ANKRD31: variants seen among roughly 807,000 people sequenced by gnomAD.
The protein encoded by ANKRD31 is ankyrin repeat domain-containing protein 31.
In ANKRD31, 147 loss-of-function variants were observed where a neutral mutation model predicts 186.0. The ratio of observed to expected loss-of-function variants is 0.79; its 90% CI spans 0.69 to 0.91. The LOEUF is 0.91. Ranked by LOEUF, ANKRD31 falls within the 40% of genes least tolerant of loss-of-function variation. The probability of loss-of-function intolerance (pLI) is 0.00; values close to 1 mark genes in which losing one functional copy is unlikely to be tolerated. For synonymous variants in ANKRD31, 673 were observed against 736.4 expected, an observed-to-expected ratio of 0.91 and a Z score of 1.39; for missense variants, 1,986 against 2,148.8, an observed-to-expected ratio of 0.92 and a Z score of 1.50.
chr5:75,174,599 T>C (rs948112111), intron 10 of ANKRD31, among the ~76,000 whole-genome samples: 2 of 152,128 alleles, frequency 1.3e-5, no homozygotes, highest in African/African-American at 2.4e-5. Flanking sequence ...CAAAAGAAGA[T>C]ATTTATGCAG....
chr5:75,144,405 G>A (rs936671063), intron 14 of ANKRD31, among the ~76,000 whole-genome samples: 1 of 152,066 alleles, frequency 6.6e-6, no homozygotes, highest in African/African-American at 2.4e-5. Flanking sequence ...CTATCAAAAT[G>A]TTGTTAGGTT....
intron 17 of ANKRD31, among the ~76,000 whole-genome samples, chr5:75,136,293 C>A (rs1231060814): frequency 5.3e-5 from 8 of 152,020 alleles, no homozygotes; most frequent in Non-Finnish European, 1.0e-4. Context: ...CCAGACTCTA[C>A]AAAGAACTTA....
intron 17 of ANKRD31, among the ~76,000 whole-genome samples, chr5:75,132,989 C>G (rs944858381): frequency 6.6e-6 from 1 of 152,164 alleles, no homozygotes; most frequent in Non-Finnish European, 1.5e-5. Context: ...ATCAGGCCTG[C>G]CTTACAAGAG....
Position 75,085,376 on chromosome 5 carries a change from AT to A in ANKRD31, c.5473-1003del, listed in dbSNP as rs772384197. Among the ~76,000 whole-genome samples, 655 of 145,942 alleles carry A rather than the reference AT, an allele frequency of 4.5e-3. 2 individuals carry two copies. The highest frequency in any genetic ancestry group is 6.2e-3 in the Non-Finnish European group (409 of 65,884). On this transcript the variant is annotated intron_variant, in intron 23 of 25. Coordinates refer to ENST00000506364, the MANE Select transcript of ANKRD31 (RefSeq NM_001372053.1). Reference sequence around the variant, plus strand: ...TCCCGGCTCCTTTTCTTTTCTTTTAATTTTTTTTTTTTGAGAGAGTCTTACT... The same window carrying A: ...TCCCGGCTCCTTTTCTTTTCTTTTAATTTTTTTTTTTGAGAGAGTCTTACT...
In ANKRD31 at chr5:75,190,975, T is replaced by C. The variant is rs1321744560; in HGVS notation, c.1408+1692A>G. Among the ~76,000 whole-genome samples the C allele has an allele frequency of 2.0e-5, 3 of 152,148 alleles. No homozygotes were observed. The East Asian group carries it at 5.8e-4, about 29-fold the overall frequency. ...TAGTGTATATTTCCATACAATTTTT[T>C]TAAATGTATGTAGTTAATTTTATCA... On this transcript the variant is annotated intron_variant, in intron 9 of 25. Coordinates refer to ENST00000506364, the MANE Select transcript of ANKRD31 (RefSeq NM_001372053.1).
intron 17 of ANKRD31, among the ~76,000 whole-genome samples, chr5:75,127,383 G>A (rs1749339450): frequency 6.6e-6 from 1 of 152,082 alleles, no homozygotes; most frequent in African/African-American, 2.4e-5. Context: ...CTGGCATCTA[G>A]TGAGTAGAGG....
At chr5:75,113,958 T>C (rs1280499179) in intron 19 of ANKRD31, among the ~76,000 whole-genome samples, 3 of 152,160 alleles carry the variant, frequency 2.0e-5, no homozygotes, top group Non-Finnish European at 4.4e-5. Context: ...CCTTTCTCCT[T>C]TGCTCATATT....
At chr5:75,162,497 T>C (rs1464905928) in intron 11 of ANKRD31, among the ~76,000 whole-genome samples, 2 of 152,154 alleles carry the variant, frequency 1.3e-5, no homozygotes, top group African/African-American at 4.8e-5. Flanking sequence ...TTGTCTCAGA[T>C]GAGACTTCGG....
intron 10 of ANKRD31, among the ~76,000 whole-genome samples, chr5:75,187,021 G>C (rs1163273101): frequency 7.8e-6 from 1 of 127,960 alleles, no homozygotes; most frequent in Non-Finnish European, 1.5e-5. Flanking sequence ...ATGAGACACA[G>C]AGTGTGTGTG....
chr5:75,121,817 G>C (rs771596683), intron 17 of ANKRD31, among the ~76,000 whole-genome samples: 2 of 152,148 alleles, frequency 1.3e-5, no homozygotes, highest in Non-Finnish European at 2.9e-5. Context: ...GCAGCGCTAA[G>C]AGGGAGGTTT....
intron 16 of ANKRD31, among the ~76,000 whole-genome samples, chr5:75,138,435 T>C (rs1750769030): frequency 6.6e-6 from 1 of 152,170 alleles, no homozygotes; most frequent in African/African-American, 2.4e-5. Flanking sequence ...AGCAAAATGT[T>C]AGGTAAATTT....
At chr5:75,084,490 G>A (rs1312106463) in intron 23 of ANKRD31, 116 bp from the exon 24 acceptor site, 17 of 798,078 alleles carry the variant, frequency 2.1e-5, no homozygotes, top group Admixed American at 4.5e-5. Context: ...TTGTGGATTA[G>A]CAAGCTTCAG....
At chr5:75,236,471 C>A in intron 1 of ANKRD31, 112 bp downstream of exon 1, 1 of 860,032 alleles carries the variant, frequency 1.2e-6, no homozygotes, top group African/African-American at 1.7e-5. Flanking sequence ...CTGATCCTGC[C>A]CACAAGCACA....
At chr5:75,129,719 G>A (rs141290053) in intron 17 of ANKRD31, among the ~76,000 whole-genome samples, 2,369 of 152,256 alleles carry the variant, frequency 0.016, 73 homozygotes, top group African/African-American at 0.054. Context: ...CAGCATGAGC[G>A]ATGCAGAAGA....
rs1747143417 is a variant in ANKRD31 at position 75,104,256 on chromosome 5, C to T, written c.5303G>A (p.Gly1768Glu). Residue 1768 changes from glycine (G) to glutamate (E), a missense_variant, in exon 22 of 26, where the codon GGA becomes GAA. Gly to Glu is a moderately conservative substitution (Grantham distance 98). Coordinates refer to ENST00000506364, the MANE Select transcript of ANKRD31 (RefSeq NM_001372053.1). The part of the protein sequence containing the change: ...DLILLGRINP[G>E]NNILEFKTQE... The stretch of plus-strand genomic sequence containing the variant: ...TGTTTTGAATTCCAGAATGTTATTT[C>T]CTGGGTTAATTCTTCCTAGTAATAT... 6.6e-7 allele frequency: 1 copy of T among 1,515,246 alleles called. No homozygotes were observed. Among genetic ancestry groups the T allele is most frequent in the Non-Finnish European group, 8.8e-7 (1 of 1,135,534 alleles). The allele number at this position is 1,515,246 out of a possible 1,614,324, so 93.9% of individuals were successfully genotyped here. A position where few individuals can be genotyped will look rare whatever the true frequency, so the allele number is the denominator to read the frequency against.
chr5:75,098,373 C>T (rs2150044450), intron 22 of ANKRD31, among the ~76,000 whole-genome samples: 1 of 152,278 alleles, frequency 6.6e-6, no homozygotes, highest in Non-Finnish European at 1.5e-5. Context: ...GTGATGCCTC[C>T]AGCTTTGTTC....
chr5:75,164,937 C>T (rs1200588864), intron 11 of ANKRD31, among the ~76,000 whole-genome samples: 1 of 152,080 alleles, frequency 6.6e-6, no homozygotes, highest in Non-Finnish European at 1.5e-5. Context: ...GCCTTAAATT[C>T]CCAATGTAAA....
chr5:75,175,517 T>C (rs749807598), intron 10 of ANKRD31, among the ~76,000 whole-genome samples: 54 of 152,148 alleles, frequency 3.5e-4, no homozygotes, highest in Non-Finnish European at 6.5e-4. Flanking sequence ...AGAACAGTAG[T>C]GGCATCTTGA....
chr5:75,174,250 A>T (rs1484112897), intron 10 of ANKRD31, among the ~76,000 whole-genome samples: 1 of 152,218 alleles, frequency 6.6e-6, no homozygotes, highest in Non-Finnish European at 1.5e-5. Flanking sequence ...AAAGACTTAA[A>T]TGTTAGACCT....
Sources: gnomAD v4.1 joint callset for allele counts (sites outside exome capture counted in the v4.1 genomes callset) on GRCh38, gnomAD v4.1.1 for gene constraint, MANE v1.5 for transcripts, NCBI Gene and HGNC (gene_info 2026-07-23, HGNC 2026-07-21) for gene names.